LAMA1: variants seen among roughly 807,000 people sequenced by gnomAD.
The protein encoded by LAMA1 is laminin subunit alpha 1.
A neutral mutation model predicts 348.7 loss-of-function variants in LAMA1; 219 were observed. That is an observed-to-expected ratio of 0.63 (90% confidence interval 0.56 to 0.70). The LOEUF (loss-of-function observed/expected upper bound fraction) is 0.70. LAMA1 is among the 30% of genes least tolerant of loss of function. The pLI, the probability that LAMA1 is intolerant of heterozygous loss-of-function variation, is 0.00. For synonymous variants in LAMA1, 1,487 were observed against 1,491.0 expected, an observed-to-expected ratio of 1.00 and a Z score of 0.06; for missense variants, 3,744 against 3,888.0, an observed-to-expected ratio of 0.96 and a Z score of 0.99.
Position 6,985,534 on chromosome 18 carries a change from G to A in LAMA1, c.5489C>T (p.Ala1830Val). ...AAAQTDAVQD[A>V]LEHLEDHQDK... ...TGCTGAGATGTAATTTACCTCTAGA[G>A]CATCTTGTACAGCATCTGTTTGTGC... Residue 1830 changes from alanine (A) to valine (V), a missense_variant, in exon 38 of 63, where the codon GCT becomes GTT. Around this residue, in one of 3 missense-constraint regions of LAMA1, gnomAD observed 1,983 missense variants for 1,934.3 expected, o/e 1.03. Coordinates refer to ENST00000389658, the MANE Select transcript of LAMA1 (RefSeq NM_005559.4). 1 of 1,613,784 alleles carries A rather than the reference G, an allele frequency of 6.2e-7. No individual in the cohort carries two copies. Among genetic ancestry groups the A allele is most frequent in the South Asian group, 1.1e-5 (1 of 91,074 alleles).
At chr18:7,079,831 G>A in intron 3 of LAMA1, 144 bp downstream of exon 3, 1 of 700,798 alleles carries the variant, frequency 1.4e-6, no homozygotes, top group South Asian at 1.6e-5. Context: ...GACTCCTTCT[G>A]TATACCACTT....
At chr18:7,110,112 C>T (rs758525291) in intron 1 of LAMA1, among the ~76,000 whole-genome samples, 7 of 151,456 alleles carry the variant, frequency 4.6e-5, no homozygotes, top group Admixed American at 1.3e-4. Flanking sequence ...ACCCAGGAGG[C>T]AGAGGTTTCA....
At chr18:6,976,185 T>A in intron 44 of LAMA1, 105 bp from the exon 45 acceptor site, 1 of 1,101,614 alleles carries the variant, frequency 9.1e-7, no homozygotes, top group East Asian at 2.4e-5. Flanking sequence ...CTGAGGCAGG[T>A]TTCCTCTCTT....
rs376446325 is a variant in LAMA1 at position 7,080,138 on chromosome 18, T to G, written c.233-51A>C. On this transcript the variant is annotated intron_variant, in intron 2 of 62. Coordinates refer to ENST00000389658, the MANE Select transcript of LAMA1 (RefSeq NM_005559.4). ...AATTCCTCTCGGCTGTTGCTTTAAATTTCTTAAGTTCTAAACCGTAATGCT... is the reference window on the plus strand; with the variant it reads ...AATTCCTCTCGGCTGTTGCTTTAAAGTTCTTAAGTTCTAAACCGTAATGCT... The G allele has an allele frequency of 2.7e-4, 420 of 1,574,630 alleles. No individual in the cohort carries two copies. In the African/African-American group the frequency reaches 4.1e-3, roughly 15 times the overall value.
At chr18:7,058,200 A>C (rs1233308572) in intron 3 of LAMA1, among the ~76,000 whole-genome samples, 1 of 152,152 alleles carries the variant, frequency 6.6e-6, no homozygotes, top group African/African-American at 2.4e-5. Context: ...ATGATACTAA[A>C]TGGAAGAACA....
At chr18:6,987,836 C>T (rs1340480849) in intron 36 of LAMA1, among the ~76,000 whole-genome samples, 3 of 152,174 alleles carry the variant, frequency 2.0e-5, no homozygotes, top group Non-Finnish European at 4.4e-5. Flanking sequence ...GCATTATGAG[C>T]AGGCAACAAG....
chr18:7,095,065 G>GTTT lies in LAMA1; in HGVS notation c.62-14611_62-14609dup, dbSNP rs779909400. Among the ~76,000 whole-genome samples, 204 of 114,700 alleles carry GTTT rather than the reference G, an allele frequency of 1.8e-3. 2 individuals are homozygous for GTTT. In the East Asian group the frequency reaches 0.028, roughly 16 times the overall value. 75.2% of individuals were successfully genotyped at this position (114,700 alleles called of 152,430 possible). A position where few individuals can be genotyped will look rare whatever the true frequency, so the allele number is the denominator to read the frequency against. ...CCGATTCCAGCAATATCCCTTGACT[G>GTTT]TTTTTTTTTTTTTTTTGTAGAAATT... On this transcript the variant is annotated intron_variant, in intron 1 of 62. Transcript: ENST00000389658.
In LAMA1 at chr18:6,965,409, C is replaced by G. The variant is rs376634498; in HGVS notation, c.7074G>C (p.Leu2358=). 1.7e-5 allele frequency: 27 copies of G among 1,614,024 alleles called. No individual in the cohort carries two copies. The highest frequency in any genetic ancestry group is 1.8e-5 in the Non-Finnish European group (21 of 1,180,024). ...YGTKDFLSIE[L]FRGRVKVMTD... The stretch of plus-strand genomic sequence containing the variant: ...TCATAACCTTCACTCTGCCACGAAA[C>G]AGCTCGATGGATAAAAAGTCTTTCT... Residue 2358 remains leucine (L), a synonymous_variant, in exon 50 of 63, where the codon CTG becomes CTC. Transcript: ENST00000389658.
At chr18:7,021,844 ATAT>A (rs1568034728) in intron 19 of LAMA1, among the ~76,000 whole-genome samples, 1 of 65,474 alleles carries the variant, frequency 1.5e-5, no homozygotes, top group East Asian at 2.8e-4. Context: ...ATAATATATT[ATAT>A]TATATTATAT....
chr18:7,054,388 C>T (rs1339217056), intron 3 of LAMA1, among the ~76,000 whole-genome samples: 1 of 148,502 alleles, frequency 6.7e-6, no homozygotes, highest in Non-Finnish European at 1.5e-5. Context: ...AATATCACAC[C>T]CCTGTTTTAG....
chr18:6,989,843 G>A (rs1600376176), intron 36 of LAMA1, among the ~76,000 whole-genome samples: 1 of 152,124 alleles, frequency 6.6e-6, no homozygotes, highest in African/African-American at 2.4e-5. Context: ...CCACACATCT[G>A]AGTTGCTGGG....
At chr18:7,032,242 A>G in intron 15 of LAMA1, 66 bp from the exon 16 acceptor site, 2 of 1,013,202 alleles carry the variant, frequency 2.0e-6, no homozygotes, top group Non-Finnish European at 3.1e-6. Flanking sequence ...CAGTTGCCAG[A>G]GTACAGAAAT....
At chr18:7,058,415 C>G (rs11659855) in intron 3 of LAMA1, among the ~76,000 whole-genome samples, 1 of 152,152 alleles carries the variant, frequency 6.6e-6, no homozygotes, top group Non-Finnish European at 1.5e-5. Context: ...TATGAAGAAC[C>G]TAAATACAAT....
At position 7,093,099 on chromosome 18, in the gene LAMA1, C is replaced by T. The variant is rs182782664; in HGVS notation, c.62-12642G>A. On this transcript the variant is annotated intron_variant, in intron 1 of 62. Coordinates refer to ENST00000389658, the MANE Select transcript of LAMA1 (RefSeq NM_005559.4). Reference sequence around the variant, plus strand: ...CACTTCCTTGTTCAATATTTTAAATCCTGACTTAGATAATGGTATTAAAAA... The same window carrying T: ...CACTTCCTTGTTCAATATTTTAAATTCTGACTTAGATAATGGTATTAAAAA... 9.9e-5 allele frequency among the ~76,000 whole-genome samples: 15 copies of T among 152,258 alleles called. No individual in the cohort carries two copies. The East Asian group carries it at 2.9e-3, about 29-fold the overall frequency.
intron 34 of LAMA1, 40 bp from the exon 35 acceptor site, chr18:6,993,792 G>A (rs374899998): frequency 1.7e-6 from 2 of 1,183,928 alleles, no homozygotes; most frequent in Non-Finnish European, 2.5e-6. Context: ...TTGACTTTAA[G>A]TAATTAGTTT....
chr18:7,098,176 AGTGGCGT>A (rs2058270823), intron 1 of LAMA1, among the ~76,000 whole-genome samples: 1 of 151,890 alleles, frequency 6.6e-6, no homozygotes, highest in East Asian at 1.9e-4. Context: ...GCTGGAGTGC[AGTGGCGT>A]GATCTCGGCT....
intron 3 of LAMA1, among the ~76,000 whole-genome samples, chr18:7,074,340 C>T (rs28505611): frequency 5.0e-4 from 76 of 152,232 alleles, no homozygotes; most frequent in Middle Eastern, 6.8e-3. Context: ...CTTTTCATCT[C>T]AACAGTGTAT....
At chr18:6,979,555 G>A (rs1014570351) in intron 42 of LAMA1, among the ~76,000 whole-genome samples, 3 of 151,982 alleles carry the variant, frequency 2.0e-5, no homozygotes, top group African/African-American at 7.3e-5. Flanking sequence ...CAAAAGAGAA[G>A]TTTGAGGTGC....
intron 29 of LAMA1, among the ~76,000 whole-genome samples, chr18:7,004,611 C>G (rs1306155477): frequency 6.6e-6 from 1 of 152,210 alleles, no homozygotes; most frequent in Non-Finnish European, 1.5e-5. Flanking sequence ...CTTGGCCTCC[C>G]AAAGTGTTGG....
Sources: allele counts gnomAD v4.1 joint callset (sites outside exome capture counted in the v4.1 genomes callset), GRCh38; gene constraint gnomAD v4.1.1; regional missense constraint gnomAD v4.1.1; transcripts MANE v1.5; gene names NCBI Gene and HGNC (gene_info 2026-07-23, HGNC 2026-07-21).